WDFY3: variants seen among roughly 807,000 people sequenced by gnomAD.
WDFY3 encodes the protein WD repeat and FYVE domain containing 3, also known as WD repeat and FYVE domain-containing protein 3.
Under a neutral mutation model 409.6 loss-of-function variants are expected in WDFY3, and 66 were observed. That is an observed-to-expected ratio of 0.16 (90% CI 0.13 to 0.20). WDFY3 has a LOEUF of 0.20. Ranked by LOEUF, WDFY3 falls within the 10% of genes least tolerant of loss-of-function variation. The pLI, the probability that WDFY3 is intolerant of heterozygous loss-of-function variation, is 1.00. For missense variants in WDFY3, 3,031 were observed against 4,298.1 expected, an observed-to-expected ratio of 0.71 and a Z score of 8.24; for synonymous variants, 1,521 against 1,537.1, an observed-to-expected ratio of 0.99 and a Z score of 0.25.
chr4:84,939,078 G>A (rs1278535307), intron 1 of WDFY3, among the ~76,000 whole-genome samples: 1 of 152,100 alleles, frequency 6.6e-6, no homozygotes, highest in Non-Finnish European at 1.5e-5. Flanking sequence ...CTAGGGTCAG[G>A]TACTGTTAGT....
At chr4:84,901,547 AC>A (rs1335196968) in intron 2 of WDFY3, among the ~76,000 whole-genome samples, 3 of 152,114 alleles carry the variant, frequency 2.0e-5, no homozygotes, top group Non-Finnish European at 4.4e-5. Flanking sequence ...TTTTCAAATT[AC>A]CCAGTTTCAG....
chr4:84,709,234 G>T, intron 52 of WDFY3, 59 bp downstream of exon 52: 1 of 1,503,882 alleles, frequency 6.6e-7, no homozygotes, highest in Non-Finnish European at 9.1e-7. Context: ...GCTTTTAACT[G>T]TATGACTTCT....
chr4:84,716,721 C>A (rs1364776752), intron 49 of WDFY3, among the ~76,000 whole-genome samples, 175 bp downstream of exon 49: 1 of 151,888 alleles, frequency 6.6e-6, no homozygotes, highest in African/African-American at 2.4e-5. Flanking sequence ...ATGGTGTGAA[C>A]CCGGGAGGCG....
chr4:84,806,701 C>T (rs1034005114), intron 15 of WDFY3, among the ~76,000 whole-genome samples: 10 of 152,136 alleles, frequency 6.6e-5, no homozygotes, highest in African/African-American at 2.4e-4. Flanking sequence ...CCGCCTCCTT[C>T]GTTCATGCAG....
At chr4:84,792,758 A>C (rs956815258) in intron 21 of WDFY3, among the ~76,000 whole-genome samples, 3 of 152,086 alleles carry the variant, frequency 2.0e-5, no homozygotes, top group African/African-American at 7.2e-5. Context: ...CCACTCCTTA[A>C]CTTTCCCATT....
At chr4:84,799,880 C>T (rs796530338) in intron 17 of WDFY3, among the ~76,000 whole-genome samples, 35 of 152,306 alleles carry the variant, frequency 2.3e-4, no homozygotes, top group African/African-American at 6.5e-4. Context: ...ATTGTGAAAA[C>T]TGACCATACC....
intron 2 of WDFY3, among the ~76,000 whole-genome samples, chr4:84,917,585 T>C (rs911081771): frequency 2.0e-5 from 3 of 152,260 alleles, no homozygotes; most frequent in South Asian, 2.1e-4. Flanking sequence ...CAAGGATAAA[T>C]AGAGCATCTG....
chr4:84,670,458 T>C lies in WDFY3; in HGVS notation c.*2410A>G, dbSNP rs1725289900. 1.3e-5 allele frequency: 2 copies of C among 152,676 alleles called. No individual in the cohort carries two copies. The highest frequency in any genetic ancestry group is 2.9e-5 in the Non-Finnish European group (2 of 68,042). 9.5% of individuals were successfully genotyped at this position (152,676 alleles called of 1,614,324 possible). On this transcript the variant is annotated 3_prime_UTR_variant, in exon 68 of 68. Coordinates refer to ENST00000295888, the MANE Select transcript of WDFY3 (RefSeq NM_014991.6). ...AGAGGCAAAAAGAAAAGAAACCCGA[T>C]TGAACAAAACAGTTGCCCACAGCAC...
chr4:84,840,337 C>T (rs1271650335), intron 6 of WDFY3, among the ~76,000 whole-genome samples: 1 of 152,104 alleles, frequency 6.6e-6, no homozygotes, highest in African/African-American at 2.4e-5. Context: ...ATATATTATC[C>T]TAAAAATGTC....
chr4:84,724,231 T>G (rs1735291155), intron 46 of WDFY3, among the ~76,000 whole-genome samples, 195 bp downstream of exon 46: 1 of 152,190 alleles, frequency 6.6e-6, no homozygotes, highest in Admixed American at 6.5e-5. Context: ...GATATTCATT[T>G]GTAGGCAATA....
intron 30 of WDFY3, among the ~76,000 whole-genome samples, chr4:84,768,439 CTT>C (rs1744068461): frequency 6.6e-6 from 1 of 152,192 alleles, no homozygotes; most frequent in Middle Eastern, 3.2e-3. Flanking sequence ...CAGCTGGTGA[CTT>C]TAAGTGGAAG....
chr4:84,696,262 T>A, intron 57 of WDFY3, 80 bp from the exon 58 acceptor site: 1 of 1,266,570 alleles, frequency 7.9e-7, no homozygotes, highest in East Asian at 2.3e-5. Context: ...GGTAAGTGGT[T>A]AATAGGAACT....
chr4:84,944,016 T>A (rs933240803), intron 1 of WDFY3, among the ~76,000 whole-genome samples: 1 of 152,182 alleles, frequency 6.6e-6, no homozygotes, highest in South Asian at 2.1e-4. Flanking sequence ...ATGGAAACTT[T>A]AGGTTGATGG....
intron 3 of WDFY3, among the ~76,000 whole-genome samples, chr4:84,880,666 G>A (rs1358918457): frequency 1.2e-5 from 1 of 86,364 alleles, no homozygotes; most frequent in Non-Finnish European, 2.2e-5. Flanking sequence ...GTCAATAAGG[G>A]AACCATACAT....
chr4:84,923,115 C>T (rs531796029), intron 2 of WDFY3, among the ~76,000 whole-genome samples: 2 of 152,076 alleles, frequency 1.3e-5, no homozygotes, highest in South Asian at 4.2e-4. Flanking sequence ...TATGACACCC[C>T]AAAATGCCAT....
chr4:84,720,573 T>C (rs1578246067), intron 47 of WDFY3, among the ~76,000 whole-genome samples: 1 of 152,112 alleles, frequency 6.6e-6, no homozygotes, highest in South Asian at 2.1e-4. Flanking sequence ...CTGGCGGTAA[T>C]GAGTCCTTAC....
chr4:84,781,392 G>GTTTT (rs1299711060), intron 25 of WDFY3, among the ~76,000 whole-genome samples: 1 of 126,968 alleles, frequency 7.9e-6, no homozygotes, highest in Non-Finnish European at 1.7e-5. Context: ...TTTCCCTTTT[G>GTTTT]TTTTTTTTTT....
In WDFY3 at chr4:84,868,297, T is replaced by A. The variant is rs538686720; in HGVS notation, c.-31-7675A>T. Among the ~76,000 whole-genome samples the A allele has an allele frequency of 5.3e-5, 8 of 150,166 alleles. No homozygotes were observed. In the East Asian group the frequency reaches 1.6e-3, roughly 30 times the overall value. ...TTACTTTGAAAAGCAAAGGCAAACC[T>A]CTTATACTTTTTAAGAATAAAGGCA... On this transcript the variant is annotated intron_variant, in intron 3 of 67. Coordinates refer to ENST00000295888, the MANE Select transcript of WDFY3 (RefSeq NM_014991.6).
intron 35 of WDFY3, among the ~76,000 whole-genome samples, chr4:84,752,728 G>A (rs1004905065): frequency 6.6e-6 from 1 of 151,992 alleles, no homozygotes. Context: ...AGAAAAATTA[G>A]TATAAAGAAG....
Sources: gnomAD v4.1 joint callset for allele counts (sites outside exome capture counted in the v4.1 genomes callset) on GRCh38, gnomAD v4.1.1 for gene constraint, MANE v1.5 for transcripts, NCBI Gene and HGNC (gene_info 2026-07-23, HGNC 2026-07-21) for gene names.